ARID1B: variants seen among roughly 807,000 people sequenced by gnomAD.
ARID1B encodes the protein AT-rich interaction domain 1B.
A neutral mutation model predicts 212.3 loss-of-function variants in ARID1B; 30 were observed. That is an observed-to-expected ratio of 0.14 (90% CI 0.11 to 0.19). The LOEUF (loss-of-function observed/expected upper bound fraction) is 0.19. Among genes scored for constraint, ARID1B ranks in the 10% least tolerant of loss-of-function variants. ARID1B has a pLI of 1.00. For synonymous variants in ARID1B, 1,402 were observed against 1,301.7 expected, an observed-to-expected ratio of 1.08 and a Z score of -1.66; for missense variants, 2,891 against 3,204.0, an observed-to-expected ratio of 0.90 and a Z score of 2.36.
chr6:157,037,049 A>G (rs1178270260), intron 4 of ARID1B, among the ~76,000 whole-genome samples: 1 of 152,356 alleles, frequency 6.6e-6, no homozygotes, highest in Non-Finnish European at 1.5e-5. Flanking sequence ...AGACTGTGGT[A>G]GTATTTTCAT....
chr6:156,780,721 T>A (rs1779197489), intron 1 of ARID1B, among the ~76,000 whole-genome samples: 1 of 152,212 alleles, frequency 6.6e-6, no homozygotes, highest in African/African-American at 2.4e-5. Context: ...TAGTTATTAA[T>A]AAGAGGATCA....
At chr6:157,098,218 A>G (rs540589905) in intron 5 of ARID1B, among the ~76,000 whole-genome samples, 2 of 152,320 alleles carry the variant, frequency 1.3e-5, no homozygotes, top group South Asian at 4.1e-4. Flanking sequence ...GCCGCCTCTT[A>G]CCTTACATCA....
At chr6:156,834,728 G>A (rs1783383858) in intron 2 of ARID1B, among the ~76,000 whole-genome samples, 1 of 152,186 alleles carries the variant, frequency 6.6e-6, no homozygotes. Context: ...ATGTTTGGAG[G>A]CCCTTCAGCA....
At chr6:157,072,572 A>G (rs1200519257) in intron 4 of ARID1B, 6 of 152,206 alleles carry the variant, frequency 3.9e-5, no homozygotes, top group African/African-American at 1.4e-4. Flanking sequence ...TTATATTAAT[A>G]TGACATACAT....
intron 4 of ARID1B, among the ~76,000 whole-genome samples, chr6:156,994,115 CA>C (rs1359128452): frequency 1.8e-4 from 27 of 152,104 alleles, no homozygotes; most frequent in Non-Finnish European, 7.4e-5. Context: ...TTGCTTTTTC[CA>C]TAAGTACATT....
chr6:156,914,531 C>G (rs546671477), intron 3 of ARID1B, among the ~76,000 whole-genome samples: 1 of 152,354 alleles, frequency 6.6e-6, no homozygotes, highest in South Asian at 2.1e-4. Flanking sequence ...AATACTGGCC[C>G]ATGACCAGGG....
chr6:156,992,200 TC>T (rs2128407770), intron 4 of ARID1B, among the ~76,000 whole-genome samples: 1 of 152,344 alleles, frequency 6.6e-6, no homozygotes, highest in East Asian at 1.9e-4. Flanking sequence ...TTTCTGTATT[TC>T]CTGCTGTGAA....
intron 6 of ARID1B, among the ~76,000 whole-genome samples, chr6:157,119,221 C>G (rs1271102959): frequency 6.6e-6 from 1 of 152,218 alleles, no homozygotes; most frequent in African/African-American, 2.4e-5. Flanking sequence ...AGTCCAGACA[C>G]CTAGTTAACC....
intron 2 of ARID1B, among the ~76,000 whole-genome samples, chr6:156,845,116 G>T (rs1355308562): frequency 1.7e-5 from 1 of 59,792 alleles, no homozygotes; most frequent in Non-Finnish European, 3.8e-5. Context: ...ATGCATTCAG[G>T]TGGCTTAAGT....
At chr6:157,100,836 AT>A (rs1370895188) in intron 5 of ARID1B, among the ~76,000 whole-genome samples, 1 of 152,228 alleles carries the variant, frequency 6.6e-6, no homozygotes, top group Admixed American at 6.5e-5. Context: ...ATTGTCATTT[AT>A]CATGGTGGAA....
intron 1 of ARID1B, among the ~76,000 whole-genome samples, chr6:156,789,657 G>A (rs1267497715): frequency 6.6e-6 from 1 of 152,212 alleles, no homozygotes; most frequent in South Asian, 2.1e-4. Flanking sequence ...TGGTTAATGA[G>A]AAACAAACAG....
rs1465061977 is a variant in ARID1B, at chr6:157,203,809, C to T, written c.5264-57C>T. ...TTTTTCTTACTCTTTCGTTAACTTT[C>T]GTTCTTTCATGCATAGAGTCAACAT... is the stretch of plus-strand genomic sequence containing the variant. On this transcript the variant is annotated intron_variant, in intron 18 of 19. Transcript: ENST00000636930. The surrounding 1 kb of genome is among the most constrained non-coding windows in gnomAD (Gnocchi z 4.4). 10 of 1,589,772 alleles carry T rather than the reference C, an allele frequency of 6.3e-6. No homozygotes were observed. The highest frequency in any genetic ancestry group is 3.4e-5 in the Admixed American group (2 of 58,334).
intron 3 of ARID1B, 152 bp downstream of exon 3, chr6:156,901,677 C>T (rs1788955479): frequency 1.0e-6 from 1 of 969,606 alleles, no homozygotes; most frequent in Non-Finnish European, 1.5e-6. Flanking sequence ...AATCTAACTC[C>T]ATCTCTCCCT....
chr6:157,189,882 A>C, intron 14 of ARID1B, 102 bp downstream of exon 14: 1 of 1,581,176 alleles, frequency 6.3e-7, no homozygotes, highest in South Asian at 1.2e-5. Flanking sequence ...TTCCCTAGAG[A>C]GTTTTTAAAT....
intron 8 of ARID1B, among the ~76,000 whole-genome samples, chr6:157,155,711 G>A (rs1316514645): frequency 6.6e-6 from 1 of 152,174 alleles, no homozygotes; most frequent in Non-Finnish European, 1.5e-5. Flanking sequence ...CTCATTAACA[G>A]GGTGAATAAA....
chr6:157,013,466 G>A (rs1388841029), intron 4 of ARID1B, among the ~76,000 whole-genome samples: 1 of 152,162 alleles, frequency 6.6e-6, no homozygotes, highest in Non-Finnish European at 1.5e-5. Flanking sequence ...TGAAGGTAAT[G>A]ATAAAAAAAG....
At chr6:156,807,691 C>G (rs750349737) in intron 1 of ARID1B, among the ~76,000 whole-genome samples, 3 of 152,154 alleles carry the variant, frequency 2.0e-5, no homozygotes, top group African/African-American at 4.8e-5. Context: ...TGATATTGTA[C>G]GTGTTCTCTG....
At chr6:156,830,716 C>T (rs1020986730) in intron 2 of ARID1B, among the ~76,000 whole-genome samples, 2 of 151,476 alleles carry the variant, frequency 1.3e-5, no homozygotes, top group Admixed American at 6.6e-5. Context: ...TCGCTTGAGC[C>T]CAGGAGTTTG....
intron 4 of ARID1B, among the ~76,000 whole-genome samples, chr6:157,061,907 T>C (rs1237703247): frequency 4.6e-5 from 7 of 152,164 alleles, no homozygotes; most frequent in Non-Finnish European, 8.8e-5. Flanking sequence ...TTTCCAAACG[T>C]GCATCGTGTG....
Sources: gnomAD v4.1 joint callset for allele counts (sites outside exome capture counted in the v4.1 genomes callset) on GRCh38, gnomAD v4.1.1 for gene constraint, Gnocchi (gnomAD v3.1) non-coding constraint, MANE v1.5 for transcripts, NCBI Gene and HGNC (gene_info 2026-07-23, HGNC 2026-07-21) for gene names.